LIPC: variants seen among roughly 807,000 people sequenced by gnomAD.
The protein encoded by LIPC is hepatic triacylglycerol lipase.
Under a neutral mutation model 50.7 loss-of-function variants are expected in LIPC, and 44 were observed. That is an observed-to-expected ratio of 0.87 (90% CI 0.68 to 1.11). LIPC has a LOEUF of 1.11. LIPC is among the 50% of genes most tolerant of loss of function. LIPC has a pLI of 0.00. For missense variants in LIPC, 697 were observed against 648.2 expected, an observed-to-expected ratio of 1.08 and a Z score of -0.82; for synonymous variants, 271 against 256.4, an observed-to-expected ratio of 1.06 and a Z score of -0.54.
intron 1 of LIPC, among the ~76,000 whole-genome samples, chr15:58,449,197 C>T (rs1250611432): frequency 1.3e-5 from 2 of 152,182 alleles, no homozygotes; most frequent in Non-Finnish European, 2.9e-5. Context: ...CTCAGCTGCT[C>T]CATGCTTCAG....
chr15:58,565,478 A>G, intron 8 of LIPC: 2 of 1,400,068 alleles, frequency 1.4e-6, no homozygotes, highest in South Asian at 1.7e-5. Context: ...CAGGGCTCCC[A>G]CACGGGGTGA....
At chr15:58,559,540 C>T (rs1434962142) in intron 6 of LIPC, among the ~76,000 whole-genome samples, 1 of 152,090 alleles carries the variant, frequency 6.6e-6, no homozygotes, top group African/African-American at 2.4e-5. Flanking sequence ...TCTTATCAAT[C>T]AAATGGAATT....
intron 1 of LIPC, among the ~76,000 whole-genome samples, chr15:58,485,950 C>G (rs1324891013): frequency 6.6e-6 from 1 of 152,230 alleles, no homozygotes; most frequent in East Asian, 1.9e-4. Flanking sequence ...GAAAATGCCC[C>G]TCTTTCATCT....
intron 6 of LIPC, among the ~76,000 whole-genome samples, chr15:58,554,753 A>G (rs1283527919): frequency 1.1e-4 from 17 of 152,216 alleles, no homozygotes; most frequent in Admixed American, 2.0e-4. Flanking sequence ...GAAGAAGAAG[A>G]AGGAGGAGGA....
chr15:58,528,162 A>T (rs1401744750), intron 1 of LIPC, among the ~76,000 whole-genome samples: 1 of 151,742 alleles, frequency 6.6e-6, no homozygotes, highest in Non-Finnish European at 1.5e-5. Context: ...AAAAAGAATA[A>T]CCTTGGGCTG....
rs1318211127 is a variant in LIPC, at chr15:58,522,764, G to T, written c.89-15569G>T. 3.9e-5 allele frequency: 6 copies of T among 152,418 alleles called. No individual in the cohort carries two copies. In the East Asian group the frequency reaches 1.2e-3, roughly 29 times the overall value. 9.4% of individuals were successfully genotyped at this position (152,418 alleles called of 1,614,324 possible). A position where few individuals can be genotyped will look rare whatever the true frequency, so the allele number is the denominator to read the frequency against. On this transcript the variant is annotated intron_variant, in intron 1 of 8. Transcript: ENST00000299022. ...CCAGCCCCATCTTTATTGATGTCGG[G>T]GCTCTGTCCCCTTGCAGAGCCCATC...
intron 1 of LIPC, among the ~76,000 whole-genome samples, chr15:58,434,233 G>A (rs879707186): frequency 6.6e-6 from 1 of 151,946 alleles, no homozygotes. Context: ...GAGAAACCAT[G>A]ATCTATGCCA....
At position 58,550,357 on chromosome 15, in the gene LIPC, A is replaced by G. The variant is rs575924267; in HGVS notation, c.1051+1785A>G. Among the ~76,000 whole-genome samples, 4 of 152,206 alleles carry G rather than the reference A, an allele frequency of 2.6e-5. No homozygotes were observed. The East Asian group carries it at 5.8e-4, about 22-fold the overall frequency. On this transcript the variant is annotated intron_variant, in intron 6 of 8. Transcript: ENST00000299022. ...TAGGACATCTACTGGGGACTTGGAG[A>G]TTGGGAAGGGAAGCATCAAGAGAAG...
At chr15:58,549,617 G>A (rs1333386707) in intron 6 of LIPC, among the ~76,000 whole-genome samples, 1 of 152,212 alleles carries the variant, frequency 6.6e-6, no homozygotes, top group African/African-American at 2.4e-5. Context: ...TCTCAGTCGT[G>A]AGTTCAAACT....
At chr15:58,438,557 GCCGAGCC>G (rs1459067639) in intron 1 of LIPC, among the ~76,000 whole-genome samples, 2 of 152,190 alleles carry the variant, frequency 1.3e-5, no homozygotes, top group African/African-American at 4.8e-5. Flanking sequence ...GAACAAGGGG[GCCGAGCC>G]TAGTCTGTCC....
In LIPC at chr15:58,512,542, G is replaced by A. The variant is rs149422567; in HGVS notation, c.89-25791G>A. Among the ~76,000 whole-genome samples the A allele has an allele frequency of 4.9e-3, 746 of 152,342 alleles. 5 individuals are homozygous for A. The highest frequency in any genetic ancestry group is 0.017 in the African/African-American group (691 of 41,570). ...TATGAGAAGGTGAGAAGGATGGCCT[G>A]GGCCGGCTGGGTCTGCGAGACTACC... On this transcript the variant is annotated intron_variant, in intron 1 of 8. Transcript: ENST00000299022.
chr15:58,455,219 G>A (rs1404586891), intron 1 of LIPC, among the ~76,000 whole-genome samples: 1 of 152,224 alleles, frequency 6.6e-6, no homozygotes, highest in Non-Finnish European at 1.5e-5. Flanking sequence ...ACTTTTCTCT[G>A]TAAAGGGCCA....
intron 1 of LIPC, among the ~76,000 whole-genome samples, chr15:58,476,120 G>C (rs1288369169): frequency 6.6e-6 from 1 of 152,226 alleles, no homozygotes; most frequent in Non-Finnish European, 1.5e-5. Flanking sequence ...TACAGAAAAA[G>C]ATACTGAGTC....
At position 58,475,311 on chromosome 15, in the gene LIPC, A is replaced by AT. The variant is rs370805860; in HGVS notation, c.88+43192dup. ...GTGATCCTTCTAAGAGGCAAAGGTAATCATGTTTCTTCCCTGCTCAAGATC... is the reference window on the plus strand; with the variant it reads ...GTGATCCTTCTAAGAGGCAAAGGTAATTCATGTTTCTTCCCTGCTCAAGATC... On this transcript the variant is annotated intron_variant, in intron 1 of 8. Coordinates refer to ENST00000299022, the MANE Select transcript of LIPC (RefSeq NM_000236.3). 4.7e-3 allele frequency among the ~76,000 whole-genome samples: 711 copies of AT among 152,276 alleles called. 6 individuals carry two copies. The highest frequency in any genetic ancestry group is 0.016 in the African/African-American group (681 of 41,528).
chr15:58,475,556 T>C (rs1174631984), intron 1 of LIPC, among the ~76,000 whole-genome samples: 2 of 152,118 alleles, frequency 1.3e-5, no homozygotes, highest in African/African-American at 2.4e-5. Context: ...CAAAGGTGAC[T>C]GTCCCCTCTG....
chr15:58,526,739 T>C (rs1221510249), intron 1 of LIPC, among the ~76,000 whole-genome samples: 13 of 152,200 alleles, frequency 8.5e-5, no homozygotes, highest in African/African-American at 3.1e-4. Flanking sequence ...GAAGAGATCT[T>C]AGGCAAGTTT....
At chr15:58,533,138 T>C (rs1893007005) in intron 1 of LIPC, 1 of 984,380 alleles carries the variant, frequency 1.0e-6, no homozygotes, top group African/African-American at 1.7e-5. Context: ...TTCTTATCAC[T>C]GGTGTGACTA....
At chr15:58,495,419 G>A (rs1156281221) in intron 1 of LIPC, among the ~76,000 whole-genome samples, 1 of 152,166 alleles carries the variant, frequency 6.6e-6, no homozygotes, top group African/African-American at 2.4e-5. Flanking sequence ...TTCCTTCTGA[G>A]CACTGGCAGG....
At chr15:58,512,151 T>A (rs1332021316) in intron 1 of LIPC, among the ~76,000 whole-genome samples, 2 of 151,552 alleles carry the variant, frequency 1.3e-5, no homozygotes, top group African/African-American at 2.4e-5. Flanking sequence ...CAGGCTGGAG[T>A]GCAATGGCAT....
Sources: gnomAD v4.1 joint callset for allele counts (sites outside exome capture counted in the v4.1 genomes callset) on GRCh38, gnomAD v4.1.1 for gene constraint, MANE v1.5 for transcripts, NCBI Gene and HGNC (gene_info 2026-07-23, HGNC 2026-07-21) for gene names.